CUX2: variants seen among roughly 807,000 people sequenced by gnomAD.
CUX2 encodes the protein cut like homeobox 2.
A neutral mutation model predicts 144.8 loss-of-function variants in CUX2; 40 were observed. The observed-to-expected ratio is 0.28, with a 90% CI of 0.21 to 0.36. The LOEUF (loss-of-function observed/expected upper bound fraction) is 0.36, where lower values mean the gene tolerates loss of function less well. Ranked by LOEUF, CUX2 falls within the 10% of genes least tolerant of loss-of-function variation. The probability of loss-of-function intolerance (pLI) is 1.00; values close to 1 mark genes in which losing one functional copy is unlikely to be tolerated. For missense variants in CUX2, 1,615 were observed against 1,994.0 expected, an observed-to-expected ratio of 0.81 and a Z score of 3.62; for synonymous variants, 827 against 875.6, an observed-to-expected ratio of 0.94 and a Z score of 0.98.
chr12:111,156,706 G>A (rs918290277), intron 1 of CUX2, among the ~76,000 whole-genome samples: 2 of 152,150 alleles, frequency 1.3e-5, no homozygotes, highest in Admixed American at 1.3e-4. Context: ...AGCCGAGTGC[G>A]GTGGCTCACG....
intron 1 of CUX2, among the ~76,000 whole-genome samples, chr12:111,198,423 C>T (rs559016247): frequency 3.3e-5 from 5 of 150,004 alleles, no homozygotes; most frequent in South Asian, 4.2e-4. Flanking sequence ...TGCAGTGAGC[C>T]GAGATTGTGC....
chr12:111,053,100 G>A (rs1159829137), intron 1 of CUX2, among the ~76,000 whole-genome samples: 1 of 152,178 alleles, frequency 6.6e-6, no homozygotes, highest in Non-Finnish European at 1.5e-5. Context: ...ACTGCTCAGT[G>A]CCTCAGTTTT....
chr12:111,060,962 A>G (rs1020586688), intron 1 of CUX2, among the ~76,000 whole-genome samples: 8 of 152,194 alleles, frequency 5.3e-5, no homozygotes, highest in African/African-American at 1.9e-4. Context: ...TCGTCCCTCC[A>G]GGAGGGGCGT....
intron 1 of CUX2, among the ~76,000 whole-genome samples, chr12:111,049,026 G>C (rs941228275): frequency 5.9e-5 from 9 of 151,948 alleles, no homozygotes; most frequent in Non-Finnish European, 1.3e-4. Context: ...CTCATCCACT[G>C]TATCCATCCA....
chr12:111,286,775 A>C (rs1291484721), intron 4 of CUX2, among the ~76,000 whole-genome samples: 1 of 152,156 alleles, frequency 6.6e-6, no homozygotes, highest in Non-Finnish European at 1.5e-5. Flanking sequence ...AGGCTAAGGC[A>C]GGAGAATCGC....
intron 1 of CUX2, among the ~76,000 whole-genome samples, chr12:111,064,367 A>G (rs1487039115): frequency 6.6e-6 from 1 of 152,308 alleles, no homozygotes; most frequent in South Asian, 2.1e-4. Flanking sequence ...TGGGGATAAA[A>G]TAACTTCCTC....
At chr12:111,298,385 C>G (rs1038341798) in intron 8 of CUX2, among the ~76,000 whole-genome samples, 156 bp from the exon 9 acceptor site, 3 of 152,112 alleles carry the variant, frequency 2.0e-5, no homozygotes, top group African/African-American at 7.2e-5. Context: ...CCCTTTTCCT[C>G]GAAGCCTAGG....
intron 16 of CUX2, among the ~76,000 whole-genome samples, chr12:111,315,439 G>A (rs993790774): frequency 3.9e-5 from 6 of 152,176 alleles, no homozygotes; most frequent in African/African-American, 1.4e-4. Context: ...AAATGGGGCC[G>A]GGCACAGTGG....
rs1220668183 is a variant in CUX2, at chr12:111,334,664, C to T, written c.3150C>T (p.Tyr1050=). 15 of 1,613,702 alleles carry T rather than the reference C, an allele frequency of 9.3e-6. No individual in the cohort carries two copies. Among genetic ancestry groups the T allele is most frequent in the African/African-American group, 1.3e-5 (1 of 74,948 alleles). The change falls in exon 19 of 22, where the codon TAC becomes TAT. Residue 1050 remains tyrosine, a synonymous_variant. Transcript: ENST00000261726. ...CCATGTCCCCCGAGCTGGACACGTA[C>T]TCCATCACCAAGAGGGTGAAGGAGG... ...IVAMSPELDT[Y]SITKRVKEVL...
At position 111,199,373 on chromosome 12, in the gene CUX2, G is replaced by A. The variant is rs1175410894; in HGVS notation, c.64-14827G>A. Among the ~76,000 whole-genome samples, 12 of 152,152 alleles carry A rather than the reference G, an allele frequency of 7.9e-5. No homozygotes were observed. In the South Asian group the frequency reaches 1.2e-3, roughly 16 times the overall value. On this transcript the variant is annotated intron_variant, in intron 1 of 21. Transcript: ENST00000261726. The stretch of plus-strand genomic sequence containing the variant: ...TCTGGGCAGCTCAGTGTGGTATCCA[G>A]CCCCATCTCTCTAGCTGAAATGATG...
At chr12:111,216,743 T>C (rs183759358) in intron 2 of CUX2, among the ~76,000 whole-genome samples, 31 of 152,038 alleles carry the variant, frequency 2.0e-4, no homozygotes, top group African/African-American at 6.8e-4. Flanking sequence ...TCAAGTCTAC[T>C]AGGACTGTGT....
intron 10 of CUX2, among the ~76,000 whole-genome samples, chr12:111,306,360 T>C (rs1364177746): frequency 6.6e-6 from 1 of 152,000 alleles, no homozygotes; most frequent in African/African-American, 2.4e-5. Flanking sequence ...TTAGATTTAT[T>C]TGTAACTAAG....
At chr12:111,267,527 C>T (rs1884446823) in intron 4 of CUX2, among the ~76,000 whole-genome samples, 1 of 152,178 alleles carries the variant, frequency 6.6e-6, no homozygotes, top group South Asian at 2.1e-4. Flanking sequence ...CCAGACTCTG[C>T]TCCGTGTGAC....
chr12:111,101,137 T>C (rs1873208841), intron 1 of CUX2, among the ~76,000 whole-genome samples: 1 of 152,192 alleles, frequency 6.6e-6, no homozygotes, highest in African/African-American at 2.4e-5. Context: ...GTGACACGAA[T>C]GCGCTTTTTC....
intron 1 of CUX2, among the ~76,000 whole-genome samples, chr12:111,078,129 C>T (rs1210482605): frequency 2.6e-5 from 4 of 152,130 alleles, no homozygotes; most frequent in Non-Finnish European, 5.9e-5. Flanking sequence ...TGGGGTGTTG[C>T]TTCTGGTCAT....
At chr12:111,205,122 G>C (rs1017316442) in intron 1 of CUX2, among the ~76,000 whole-genome samples, 9 of 152,010 alleles carry the variant, frequency 5.9e-5, no homozygotes, top group Non-Finnish European at 1.0e-4. Context: ...TATCCATCTC[G>C]GCGGGCTGCG....
chr12:111,299,013 C>T (rs781681660), intron 9 of CUX2, among the ~76,000 whole-genome samples: 26 of 152,220 alleles, frequency 1.7e-4, no homozygotes, highest in Admixed American at 5.2e-4. Flanking sequence ...GAGGTGCTGC[C>T]ATCTGGTGGG....
intron 4 of CUX2, among the ~76,000 whole-genome samples, chr12:111,284,076 C>A (rs980218923): frequency 2.6e-5 from 4 of 152,126 alleles, no homozygotes; most frequent in Admixed American, 6.6e-5. Context: ...GTGGGCCTTT[C>A]CCTACTAAAT....
rs1422324225 is a variant in CUX2 at position 111,277,588 on chromosome 12, G to C, written c.301+13749G>C. Among the ~76,000 whole-genome samples the C allele has an allele frequency of 6.6e-6, 1 of 151,852 alleles. No homozygotes were observed. The highest frequency in any genetic ancestry group is 1.9e-4 in the East Asian group (1 of 5,168). Reference sequence around the variant, plus strand: ...CTTCTGAGCCCATCTCACTCCAGTTGCCTCACCCATCCTTTGTCCATCATT... The same window carrying C: ...CTTCTGAGCCCATCTCACTCCAGTTCCCTCACCCATCCTTTGTCCATCATT... On this transcript the variant is annotated intron_variant, in intron 4 of 21. Transcript: ENST00000261726. The surrounding 1 kb of genome is among the most constrained non-coding windows in gnomAD (Gnocchi z 5.0).
Sources: allele counts gnomAD v4.1 joint callset (sites outside exome capture counted in the v4.1 genomes callset), GRCh38; gene constraint gnomAD v4.1.1; non-coding constraint Gnocchi (gnomAD v3.1); transcripts MANE v1.5; gene names NCBI Gene and HGNC (gene_info 2026-07-23, HGNC 2026-07-21).